Variants in ELMO1 observed in about 807,000 individuals in gnomAD.
The protein encoded by ELMO1 is engulfment and cell motility protein 1.
Under a neutral mutation model 98.9 loss-of-function variants are expected in ELMO1, and 26 were observed. The observed-to-expected ratio is 0.26, with a 90% CI of 0.19 to 0.36. The LOEUF is 0.36. ELMO1 is among the 10% of genes least tolerant of loss of function. The pLI is 1.00. For synonymous variants in ELMO1, 346 were observed against 346.0 expected (o/e 1.00, Z 0.00); for missense variants, 627 against 935.2 (o/e 0.67, Z 4.30).
intron 15 of ELMO1, among the ~76,000 whole-genome samples, chr7:37,016,059 G>A (rs1361532057): frequency 6.6e-6 from 1 of 152,152 alleles, no homozygotes; most frequent in Non-Finnish European, 1.5e-5. Context: ...ATCTTCAGCT[G>A]TACCTTAAAA....
At chr7:37,185,578 C>T (rs964862431) in intron 13 of ELMO1, among the ~76,000 whole-genome samples, 5 of 152,052 alleles carry the variant, frequency 3.3e-5, no homozygotes, top group Non-Finnish European at 7.4e-5. Flanking sequence ...ATATATATAA[C>T]GTGGAAGGAC....
chr7:37,173,959 C>T (rs1790349037), intron 13 of ELMO1, among the ~76,000 whole-genome samples: 2 of 152,302 alleles, frequency 1.3e-5, no homozygotes, highest in South Asian at 4.1e-4. Flanking sequence ...GTGAAGCTAA[C>T]GTCATCTGGC....
At chr7:37,110,085 G>A (rs1186009452) in intron 14 of ELMO1, among the ~76,000 whole-genome samples, 1 of 152,210 alleles carries the variant, frequency 6.6e-6, no homozygotes, top group African/African-American at 2.4e-5. Context: ...AGAGAGGCTG[G>A]CTGCTCTTGG....
intron 8 of ELMO1, among the ~76,000 whole-genome samples, chr7:37,225,498 G>A (rs1426967147): frequency 1.2e-4 from 18 of 152,062 alleles, no homozygotes; most frequent in Admixed American, 1.2e-3. Context: ...ATTCTTAAGG[G>A]ACTCGCACAA....
At chr7:37,057,585 C>G (rs1167841420) in intron 15 of ELMO1, among the ~76,000 whole-genome samples, 2 of 152,190 alleles carry the variant, frequency 1.3e-5, no homozygotes, top group African/African-American at 4.8e-5. Context: ...CCCCAAGATA[C>G]AGAAGCTTTA....
At chr7:37,176,466 T>A (rs774339540) in intron 13 of ELMO1, among the ~76,000 whole-genome samples, 7 of 152,234 alleles carry the variant, frequency 4.6e-5, no homozygotes, top group Admixed American at 1.3e-4. Flanking sequence ...AACAGAAAGC[T>A]GTAAGAATAA....
intron 4 of ELMO1, among the ~76,000 whole-genome samples, chr7:37,274,022 A>C (rs1206255248): frequency 2.6e-5 from 4 of 152,180 alleles, no homozygotes; most frequent in African/African-American, 9.7e-5. Context: ...CACCAGATCC[A>C]GGCCCTATGT....
intron 15 of ELMO1, 124 bp from the exon 16 acceptor site, chr7:37,013,559 G>A: frequency 8.4e-7 from 1 of 1,196,260 alleles, no homozygotes; most frequent in South Asian, 1.6e-5. Context: ...CAATAATGGT[G>A]AAAAAGTATT....
intron 15 of ELMO1, among the ~76,000 whole-genome samples, chr7:37,079,797 C>T (rs1287234442): frequency 6.6e-6 from 1 of 152,180 alleles, no homozygotes; most frequent in Non-Finnish European, 1.5e-5. Context: ...CTCCTCTTCT[C>T]CCCAGCCTCT....
intron 1 of ELMO1, among the ~76,000 whole-genome samples, chr7:37,386,869 T>G (rs888472624): frequency 6.6e-6 from 1 of 152,214 alleles, no homozygotes; most frequent in African/African-American, 2.4e-5. Context: ...GTTATTAGCC[T>G]TGCATGCACA....
chr7:36,892,599 T>C (rs1343246149), intron 17 of ELMO1, among the ~76,000 whole-genome samples: 1 of 152,228 alleles, frequency 6.6e-6, no homozygotes, highest in Non-Finnish European at 1.5e-5. Flanking sequence ...TACTCCTCTA[T>C]TTCTTTCTCT....
chr7:37,075,230 T>C (rs1172599196), intron 15 of ELMO1, among the ~76,000 whole-genome samples: 75 of 151,418 alleles, frequency 5.0e-4, no homozygotes, highest in Non-Finnish European at 1.8e-4. Context: ...CACTGCAAGC[T>C]CTGCCTCCCG....
intron 8 of ELMO1, among the ~76,000 whole-genome samples, chr7:37,228,692 T>C (rs752898721): frequency 1.3e-5 from 2 of 152,276 alleles, no homozygotes; most frequent in East Asian, 1.9e-4. Flanking sequence ...AATTCTCCTA[T>C]GTTATCAAAA....
At chr7:37,421,730 A>G (rs1804481674) in intron 1 of ELMO1, among the ~76,000 whole-genome samples, 2 of 152,266 alleles carry the variant, frequency 1.3e-5, no homozygotes, top group African/African-American at 4.8e-5. Flanking sequence ...TATCAAAACT[A>G]GATTGCAATG....
chr7:36,932,436 T>A lies in ELMO1; in HGVS notation c.1438-37419A>T, dbSNP rs535844883. Among the ~76,000 whole-genome samples, 214 of 152,328 alleles carry A rather than the reference T, an allele frequency of 1.4e-3. 1 individual carries two copies. The highest frequency in any genetic ancestry group is 4.9e-3 in the African/African-American group (205 of 41,574). On this transcript the variant is annotated intron_variant, in intron 16 of 21. Transcript: ENST00000310758. Reference sequence around the variant, plus strand: ...CTACTTCTAATTAAGAATCTTGAAATGCATGGATGAAAAAATCTCCTGAAT... The same window carrying A: ...CTACTTCTAATTAAGAATCTTGAAAAGCATGGATGAAAAAATCTCCTGAAT...
At chr7:36,919,325 C>T (rs779746256) in intron 16 of ELMO1, 1 of 525,920 alleles carries the variant, frequency 1.9e-6, no homozygotes, top group Non-Finnish European at 4.0e-6. Context: ...TCTAACACTG[C>T]TCAGATGCTG....
intron 1 of ELMO1, among the ~76,000 whole-genome samples, chr7:37,374,504 C>G (rs1192941702): frequency 2.0e-5 from 3 of 152,190 alleles, no homozygotes; most frequent in Non-Finnish European, 4.4e-5. Flanking sequence ...GTAATCCCAG[C>G]ACTTTGGGAG....
intron 13 of ELMO1, among the ~76,000 whole-genome samples, chr7:37,184,509 T>A (rs2392484): frequency 1.3e-5 from 2 of 152,124 alleles, no homozygotes; most frequent in Non-Finnish European, 2.9e-5. Context: ...CAAAAGTGAA[T>A]ACGTTGACTG....
At chr7:36,908,501 GT>G (rs556608795) in intron 16 of ELMO1, among the ~76,000 whole-genome samples, 75 of 150,994 alleles carry the variant, frequency 5.0e-4, no homozygotes, top group Non-Finnish European at 1.6e-4. Flanking sequence ...GATATAATTT[GT>G]ATTAGAGTTT....
Sources: gnomAD v4.1 joint callset for allele counts (sites outside exome capture counted in the v4.1 genomes callset) on GRCh38, gnomAD v4.1.1 for gene constraint, MANE v1.5 for transcripts, NCBI Gene and HGNC (gene_info 2026-07-23, HGNC 2026-07-21) for gene names.